The following PIK3C3 variants were observed in gnomAD, a reference collection of about 807,000 sequenced individuals.
PIK3C3 encodes the protein PI3-kinase type 3.
PIK3C3 carries 95 observed loss-of-function variants against 126.1 expected under a neutral mutation model. The observed-to-expected ratio is 0.75, with a 90% CI of 0.64 to 0.89. The LOEUF (loss-of-function observed/expected upper bound fraction) is 0.89. Ranked by LOEUF, PIK3C3 falls within the 40% of genes least tolerant of loss-of-function variation. PIK3C3 has a pLI of 0.00. For synonymous variants in PIK3C3, 374 were observed against 360.0 expected (o/e 1.04, Z -0.44); for missense variants, 829 against 1,063.2 (o/e 0.78, Z 3.06).
At chr18:42,065,477 AG>A (rs372770664) in intron 23 of PIK3C3, among the ~76,000 whole-genome samples, 1 of 152,254 alleles carries the variant, frequency 6.6e-6, no homozygotes, top group African/African-American at 2.4e-5. Context: ...TTAATTGGGT[AG>A]GCTTAACAGC....
At chr18:42,050,288 T>C (rs1020984407) in intron 21 of PIK3C3, 2 of 152,264 alleles carry the variant, frequency 1.3e-5, no homozygotes, top group Non-Finnish European at 2.9e-5. Context: ...ATTATTTGCT[T>C]TTCCCCTTGG....
intron 22 of PIK3C3, 146 bp from the exon 23 acceptor site, chr18:42,064,594 T>C (rs1337701585): frequency 5.2e-6 from 3 of 575,652 alleles, no homozygotes; most frequent in Non-Finnish European, 9.4e-6. Context: ...TTGCATTTCA[T>C]TGATACCAAC....
chr18:41,993,835 G>A (rs1981898458), intron 7 of PIK3C3, among the ~76,000 whole-genome samples: 1 of 152,080 alleles, frequency 6.6e-6, no homozygotes, highest in Admixed American at 6.6e-5. Flanking sequence ...ATGATGGTGG[G>A]ATACCTTCTT....
chr18:42,026,645 G>A (rs1001013659), intron 13 of PIK3C3: 2 of 151,970 alleles, frequency 1.3e-5, no homozygotes, highest in Non-Finnish European at 2.9e-5. Flanking sequence ...TTTAAATGTA[G>A]AGGCTGGTCT....
At position 42,083,194 on chromosome 18, in the gene PIK3C3, C is replaced by T. The variant is rs1449521185; in HGVS notation, c.*2057C>T. On this transcript the variant is annotated 3_prime_UTR_variant, in exon 25 of 25. Transcript: ENST00000262039. Reference sequence around the variant, plus strand: ...TATTGCTCAAAGCAATTCTTTACTCCTATTTTTTCCAAATTCCATTGTTTT... The same window carrying T: ...TATTGCTCAAAGCAATTCTTTACTCTTATTTTTTCCAAATTCCATTGTTTT... 1.3e-5 allele frequency: 2 copies of T among 152,120 alleles called. No individual in the cohort carries two copies. Among genetic ancestry groups the T allele is most frequent in the Admixed American group, 1.3e-4 (2 of 15,270 alleles). The allele number at this position is 152,120 out of a possible 1,614,324, so 9.4% of individuals were successfully genotyped here. A position where few individuals can be genotyped will look rare whatever the true frequency, so the allele number is the denominator to read the frequency against.
chr18:42,073,735 T>TG (rs397713222), intron 24 of PIK3C3, among the ~76,000 whole-genome samples: 13 of 151,796 alleles, frequency 8.6e-5, no homozygotes, highest in African/African-American at 2.9e-4. Context: ...TTTTTTTTTT[T>TG]AATTTGTATT....
intron 19 of PIK3C3, among the ~76,000 whole-genome samples, chr18:42,043,336 C>T (rs1343277289): frequency 1.3e-5 from 2 of 152,108 alleles, no homozygotes; most frequent in Non-Finnish European, 2.9e-5. Flanking sequence ...CATGATCTGC[C>T]CACCTCGGCC....
chr18:42,020,926 G>T (rs1391640022), intron 13 of PIK3C3, among the ~76,000 whole-genome samples: 1 of 152,176 alleles, frequency 6.6e-6, no homozygotes, highest in Admixed American at 6.5e-5. Context: ...CTTTCCAGGA[G>T]CTAGGATATA....
intron 10 of PIK3C3, among the ~76,000 whole-genome samples, chr18:42,008,632 T>C (rs1982661399): frequency 1.3e-5 from 2 of 152,128 alleles, no homozygotes; most frequent in Admixed American, 1.3e-4. Flanking sequence ...AAAAATTTCA[T>C]AGCTCTTGGG....
chr18:42,032,267 A>G (rs1456652174), intron 15 of PIK3C3, among the ~76,000 whole-genome samples: 1 of 152,150 alleles, frequency 6.6e-6, no homozygotes, highest in Non-Finnish European at 1.5e-5. Context: ...GAGCAGAGGG[A>G]ATGGGTACAG....
chr18:42,054,915 G>A (rs968498921), intron 21 of PIK3C3, among the ~76,000 whole-genome samples: 24 of 151,948 alleles, frequency 1.6e-4, no homozygotes, highest in Admixed American at 1.4e-3. Context: ...TTACCACCAT[G>A]AGATGAATAA....
chr18:41,960,635 G>A (rs1980031410), intron 2 of PIK3C3, among the ~76,000 whole-genome samples: 1 of 152,186 alleles, frequency 6.6e-6, no homozygotes, highest in East Asian at 1.9e-4. Context: ...GGAGGAGAAC[G>A]AAGTGGTGTC....
intron 20 of PIK3C3, among the ~76,000 whole-genome samples, chr18:42,045,302 TTC>T (rs1405476924): frequency 6.6e-6 from 1 of 152,246 alleles, no homozygotes; most frequent in Non-Finnish European, 1.5e-5. Context: ...TACTCTGTGT[TTC>T]TCTCTCTTCC....
At chr18:42,017,244 A>T (rs900424360) in intron 12 of PIK3C3, among the ~76,000 whole-genome samples, 2 of 152,102 alleles carry the variant, frequency 1.3e-5, no homozygotes, top group Non-Finnish European at 2.9e-5. Context: ...AGATATCAAC[A>T]TTCCTGTCTC....
intron 18 of PIK3C3, among the ~76,000 whole-genome samples, chr18:42,040,409 T>TTA (rs1984257017): frequency 6.6e-6 from 1 of 152,128 alleles, no homozygotes; most frequent in South Asian, 2.1e-4. Flanking sequence ...AAGCTTAGTC[T>TTA]ATTAGTTTTC....
intron 22 of PIK3C3, among the ~76,000 whole-genome samples, chr18:42,062,271 G>A (rs1439083311): frequency 6.6e-6 from 1 of 151,024 alleles, no homozygotes; most frequent in Non-Finnish European, 1.5e-5. Context: ...TGTAACAGCG[G>A]ATTGTACGCT....
At chr18:42,034,098 A>C (rs778481202) in intron 16 of PIK3C3, 141 bp downstream of exon 16, 2 of 492,480 alleles carry the variant, frequency 4.1e-6, no homozygotes, top group Non-Finnish European at 6.7e-6. Context: ...ATTGAAGGGT[A>C]CCTTTTATTT....
chr18:41,998,926 A>G (rs1982152028), intron 9 of PIK3C3, among the ~76,000 whole-genome samples: 1 of 152,160 alleles, frequency 6.6e-6, no homozygotes, highest in Non-Finnish European at 1.5e-5. Context: ...AGAAATTATG[A>G]TTTAGGTTAC....
At chr18:42,027,090 T>A (rs941512376) in intron 13 of PIK3C3, 8 of 156,766 alleles carry the variant, frequency 5.1e-5, no homozygotes, top group African/African-American at 1.9e-4. Flanking sequence ...AAAATAATAG[T>A]TTTTGTTCTC....
Sources: gnomAD v4.1 joint callset for allele counts (sites outside exome capture counted in the v4.1 genomes callset) on GRCh38, gnomAD v4.1.1 for gene constraint, MANE v1.5 for transcripts, NCBI Gene and HGNC (gene_info 2026-07-23, HGNC 2026-07-21) for gene names.